ZCCHC10: variants seen among roughly 807,000 people sequenced by gnomAD.
ZCCHC10 encodes zinc finger CCHC-type containing 10.
Under a neutral mutation model 19.5 loss-of-function variants are expected in ZCCHC10, and 16 were observed. That is an observed-to-expected ratio of 0.82 (90% CI 0.56 to 1.25). ZCCHC10 has a LOEUF of 1.25. ZCCHC10 is among the 50% of genes most tolerant of loss of function. ZCCHC10 has a pLI of 0.00. For missense variants in ZCCHC10, 197 were observed against 201.0 expected (o/e 0.98, Z 0.12); for synonymous variants, 67 against 72.5 (o/e 0.92, Z 0.38).
At chr5:133,009,008 CTTT>C (rs796192745) in intron 2 of ZCCHC10, among the ~76,000 whole-genome samples, 2 of 142,448 alleles carry the variant, frequency 1.4e-5, no homozygotes, top group Admixed American at 7.1e-5. Flanking sequence ...GGGAGATTCT[CTTT>C]TTTTTTTTTT....
At chr5:133,020,518 G>T (rs1203805344) in intron 2 of ZCCHC10, among the ~76,000 whole-genome samples, 1 of 151,520 alleles carries the variant, frequency 6.6e-6, no homozygotes, top group Non-Finnish European at 1.5e-5. Context: ...AGTTACTCAG[G>T]AGGCTGTGGT....
At chr5:133,025,667 G>A (rs1054188379) in intron 1 of ZCCHC10, among the ~76,000 whole-genome samples, 4 of 152,100 alleles carry the variant, frequency 2.6e-5, no homozygotes, top group Admixed American at 6.6e-5. Context: ...AAGCAATTAT[G>A]CCACTATCCG....
chr5:133,022,842 TA>T lies in ZCCHC10; in HGVS notation c.105del (p.Ser36ValfsTer8). On this transcript the variant is annotated frameshift_variant and splice_region_variant, in exon 2 of 5. Coordinates refer to ENST00000509437, the MANE Select transcript of ZCCHC10 (RefSeq NM_001300816.3). LOFTEE classifies it high-confidence loss of function. ...TTGACACAAAGCTGAGAGGGATACC[TA>T]ATAACGATGGATGGCTGAATCAGGA... ...FWILIQPSIVISEANKQHVRC... is the reference protein window; with the variant it reads ...FWILIQPSIVXSEANKQHVRC... 3.3e-6 allele frequency: 2 copies of T among 603,596 alleles called. No homozygotes were observed. Among genetic ancestry groups the T allele is most frequent in the Non-Finnish European group, 2.9e-6 (1 of 341,366 alleles). The allele number at this position is 603,596 out of a possible 1,614,324, so 37.4% of individuals were successfully genotyped here.
intron 3 of ZCCHC10, among the ~76,000 whole-genome samples, chr5:133,004,123 A>G (rs1762953229): frequency 6.6e-6 from 1 of 151,222 alleles, no homozygotes. Flanking sequence ...CTATTTTTAA[A>G]TTTTATTTTT....
chr5:133,020,904 T>A (rs1314536851), intron 2 of ZCCHC10, among the ~76,000 whole-genome samples: 1 of 149,096 alleles, frequency 6.7e-6, no homozygotes, highest in African/African-American at 2.5e-5. Context: ...GTATTTATTA[T>A]TTTTTTTTTC....
intron 3 of ZCCHC10, among the ~76,000 whole-genome samples, chr5:133,004,543 A>G (rs1379293614): frequency 6.6e-6 from 1 of 151,578 alleles, no homozygotes; most frequent in Admixed American, 6.6e-5. Flanking sequence ...GCTAGAGTGC[A>G]GTGGCGCGAT....
At chr5:133,012,471 GAA>G (rs11415290) in intron 2 of ZCCHC10, among the ~76,000 whole-genome samples, 1 of 129,568 alleles carries the variant, frequency 7.7e-6, no homozygotes. Context: ...CCATCTCAAA[GAA>G]AAAAAAAAAG....
intron 2 of ZCCHC10, among the ~76,000 whole-genome samples, chr5:133,019,831 A>G (rs750846845): frequency 3.3e-5 from 5 of 151,784 alleles, no homozygotes; most frequent in African/African-American, 1.2e-4. Context: ...GTGCATCTGT[A>G]GTCCTAGCTA....
chr5:132,999,122 A>G (rs1173667794), intron 4 of ZCCHC10, among the ~76,000 whole-genome samples: 3 of 152,128 alleles, frequency 2.0e-5, no homozygotes, highest in Middle Eastern at 3.4e-3. Flanking sequence ...CATCATGTTC[A>G]CCATGTTGGC....
At chr5:133,023,712 G>A (rs1422058777) in intron 1 of ZCCHC10, among the ~76,000 whole-genome samples, 6 of 151,220 alleles carry the variant, frequency 4.0e-5, no homozygotes, top group South Asian at 2.1e-4. Flanking sequence ...TGGAGGTTGC[G>A]GTGAGCCAAG....
chr5:133,020,997 C>T (rs1367969405), intron 2 of ZCCHC10, among the ~76,000 whole-genome samples: 2 of 151,304 alleles, frequency 1.3e-5, no homozygotes, highest in African/African-American at 4.9e-5. Flanking sequence ...CTCGGCTTCA[C>T]GCTATTCTCC....
intron 2 of ZCCHC10, among the ~76,000 whole-genome samples, chr5:133,013,061 T>TAAAAAAAAAAAAAAAAAAA: frequency 8.8e-6 from 1 of 113,068 alleles, no homozygotes; most frequent in Non-Finnish European, 1.9e-5. Flanking sequence ...AAAAAAAAAT[T>TAAAAAAAAAAAAAAAAAAA]AAAAAAAAAA....
chr5:133,021,961 T>C (rs1288105168), intron 2 of ZCCHC10, among the ~76,000 whole-genome samples: 2 of 151,986 alleles, frequency 1.3e-5, no homozygotes, highest in South Asian at 4.1e-4. Flanking sequence ...ACCTGGCTAA[T>C]TTTTTGTATT....
intron 2 of ZCCHC10, among the ~76,000 whole-genome samples, chr5:133,019,397 C>T (rs888514398): frequency 2.6e-5 from 4 of 152,180 alleles, no homozygotes; most frequent in African/African-American, 9.7e-5. Context: ...AATGAATTAT[C>T]TATTCAAACA....
At chr5:133,020,954 T>C (rs1011999701) in intron 2 of ZCCHC10, among the ~76,000 whole-genome samples, 11 of 152,020 alleles carry the variant, frequency 7.2e-5, no homozygotes, top group African/African-American at 2.4e-4. Flanking sequence ...TGGAGTGCAG[T>C]GGTGCAATCT....
At chr5:133,015,690 T>C (rs919182250) in intron 2 of ZCCHC10, among the ~76,000 whole-genome samples, 5 of 152,202 alleles carry the variant, frequency 3.3e-5, no homozygotes, top group African/African-American at 1.2e-4. Flanking sequence ...AGATAACTGC[T>C]GCCCCTGCCA....
At chr5:133,022,126 T>G (rs559479297) in intron 2 of ZCCHC10, among the ~76,000 whole-genome samples, 1 of 152,176 alleles carries the variant, frequency 6.6e-6, no homozygotes, top group Non-Finnish European at 1.5e-5. Flanking sequence ...TTTAAAACTT[T>G]TTGACTCTTT....
chr5:133,021,862 C>T (rs1182597668), intron 2 of ZCCHC10, among the ~76,000 whole-genome samples: 4 of 150,540 alleles, frequency 2.7e-5, no homozygotes, highest in South Asian at 2.1e-4. Context: ...GGTGTGATCT[C>T]GGCTCACTGC....
chr5:133,025,503 C>CAAAAAAA (rs74843776), intron 1 of ZCCHC10, among the ~76,000 whole-genome samples: 6 of 18,674 alleles, frequency 3.2e-4, no homozygotes, highest in African/African-American at 4.2e-4. Context: ...GACTCCGCCT[C>CAAAAAAA]AAAAAAAAAA....
Sources: allele counts gnomAD v4.1 joint callset (sites outside exome capture counted in the v4.1 genomes callset), GRCh38; gene constraint gnomAD v4.1.1; transcripts MANE v1.5; gene names NCBI Gene and HGNC (gene_info 2026-07-23, HGNC 2026-07-21).